The following ZBTB12 variants were observed in gnomAD, a reference collection of about 807,000 sequenced individuals.
ZBTB12 encodes zinc finger and BTB domain-containing protein 12.
A neutral mutation model predicts 6.4 loss-of-function variants in ZBTB12; 1 was observed. That is an observed-to-expected ratio of 0.16 (90% CI 0.06 to 0.74). ZBTB12 has a LOEUF of 0.74. Among genes scored for constraint, ZBTB12 ranks in the 30% least tolerant of loss-of-function variants. The pLI is 0.78. For synonymous variants in ZBTB12, 273 were observed against 262.5 expected (o/e 1.04, Z -0.39); for missense variants, 344 against 613.9 (o/e 0.56, Z 4.65).
Position 31,899,794 on chromosome 6 carries a change from G to A in ZBTB12, c.*132C>T, listed in dbSNP as rs191133333. 5 of 883,646 alleles carry A rather than the reference G, an allele frequency of 5.7e-6. No individual in the cohort carries two copies. Among genetic ancestry groups the A allele is most frequent in the Admixed American group, 2.6e-5 (1 of 37,748 alleles). The allele number at this position is 883,646 out of a possible 1,614,324, so 54.7% of individuals were successfully genotyped here. A position where few individuals can be genotyped will look rare whatever the true frequency, so the allele number is the denominator to read the frequency against. ...GGAATCATCTTCCCTCTCTCAGGAT[G>A]TGTGCATCTGCTCAGCCTCCCACTC... On this transcript the variant is annotated 3_prime_UTR_variant, in exon 2 of 2. Transcript: ENST00000375527.
At position 31,900,523 on chromosome 6, in the gene ZBTB12, A is replaced by C; in HGVS notation, c.783T>G (p.Gly261=). The C allele has an allele frequency of 6.2e-7, 1 of 1,611,444 alleles. No individual in the cohort carries two copies. Reference sequence around the variant, plus strand: ...ACAGGCTATAGCAGGCCTTCACCACACCCTGCGGTGGGGCTACAGTGCTGG... The same window carrying C: ...ACAGGCTATAGCAGGCCTTCACCACCCCCTGCGGTGGGGCTACAGTGCTGG... The part of the protein sequence containing the change: ...VPPSTVAPPQ[G]VVKACYSLSE... The change falls in exon 2 of 2, where the codon GGT becomes GGG. Residue 261 remains glycine (G), a synonymous_variant. Coordinates refer to ENST00000375527, the MANE Select transcript of ZBTB12 (RefSeq NM_181842.3). The surrounding 1 kb of genome is among the most constrained non-coding windows in gnomAD (Gnocchi z 9.7).
In ZBTB12 at chr6:31,900,787, GGGTAGAGGA is replaced by G. The variant is rs1188120398; in HGVS notation, c.510_518del (p.Leu172_Pro174del). On this transcript the variant is annotated inframe_deletion, in exon 2 of 2. Transcript: ENST00000375527. The surrounding 1 kb of genome is among the most constrained non-coding windows in gnomAD (Gnocchi z 9.7). ...GCTTCACTGGCCGCAGGAGTGGAGG[GGGTAGAGGA>G]GGTGGGGGTGGGGGCTTCGGGGCTG... 6.3e-7 allele frequency: 1 copy of G among 1,596,808 alleles called. No homozygotes were observed.
At position 31,901,255 on chromosome 6, in the gene ZBTB12, G is replaced by A. The variant is rs749284263; in HGVS notation, c.51C>T (p.Ala17=). ...GCTGGTTCATGTTCCGTAGCGTTGC[G>A]GCCTCGTGGCCGGGCAGCTGGAAGC... ...VLRFQLPGHE[A]ATLRNMNQLR... is the part of the protein sequence containing the mutation. Residue 17 remains alanine (A), a synonymous_variant, in exon 2 of 2, where the codon GCC becomes GCT. Coordinates refer to ENST00000375527, the MANE Select transcript of ZBTB12 (RefSeq NM_181842.3). 4 of 1,612,746 alleles carry A rather than the reference G, an allele frequency of 2.5e-6. No individual in the cohort carries two copies. The East Asian group carries it at 8.9e-5, about 36-fold the overall frequency.
rs1767240286 is a variant in ZBTB12 at position 31,901,312 on chromosome 6, G to A, written c.-7C>T. 1.2e-6 allele frequency: 2 copies of A among 1,602,280 alleles called. No individual in the cohort carries two copies. Among genetic ancestry groups the A allele is most frequent in the Non-Finnish European group, 1.7e-6 (2 of 1,172,558 alleles). On this transcript the variant is annotated 5_prime_UTR_variant, in exon 2 of 2. Transcript: ENST00000375527. ...CTTCCACCCCAGAGGCCATTGTGGC[G>A]GGGGTGGGCAACCCTGGTTGGGAAG...
intron 1 of ZBTB12, 84 bp from the exon 2 acceptor site, chr6:31,901,409 C>A: frequency 7.8e-7 from 1 of 1,282,424 alleles, no homozygotes; most frequent in Non-Finnish European, 1.0e-6. Context: ...CCATTCTTGC[C>A]CAGCCCCCCG....
In ZBTB12 at chr6:31,901,855, CTGTT is replaced by C. The variant is rs1332419664; in HGVS notation, c.-43_-40del. The C allele has an allele frequency of 1.3e-5, 2 of 150,042 alleles. No individual in the cohort carries two copies. The highest frequency in any genetic ancestry group is 3.0e-5 in the Non-Finnish European group (2 of 67,360). 9.3% of individuals were successfully genotyped at this position (150,042 alleles called of 1,614,324 possible). ...CTCTCACCTGGCCCGGTTCCGCGCGCTGTTTTTTTAATCCCTTATTTTCCCCACC... is the reference window on the plus strand; with the variant it reads ...CTCTCACCTGGCCCGGTTCCGCGCGCTTTTTAATCCCTTATTTTCCCCACC... On this transcript the variant is annotated 5_prime_UTR_variant, in exon 1 of 2. Transcript: ENST00000375527.
rs1767182009 is a variant in ZBTB12, at chr6:31,900,826, T to A, written c.480A>T (p.Pro160=). 6.2e-7 allele frequency: 1 copy of A among 1,608,256 alleles called. No individual in the cohort carries two copies. The highest frequency in any genetic ancestry group is 8.5e-7 in the Non-Finnish European group (1 of 1,176,504). ...GGGGTGGGGGCTTCGGGGCTGGCTT[T>A]GGGGTCCTGGCTGGAGGGAGGAGGG... ...TKSLLPPART[P]KPAPKPPPPP... The change falls in exon 2 of 2, where the codon CCA becomes CCT. Residue 160 remains proline, a synonymous_variant. Coordinates refer to ENST00000375527, the MANE Select transcript of ZBTB12 (RefSeq NM_181842.3). This position sits in a 1 kb window ranked among gnomAD's most constrained non-coding sequence, Gnocchi z 9.7.
rs775717094 is a variant in ZBTB12, at chr6:31,900,753, G to C, written c.553C>G (p.Pro185Ala). Residue 185 changes from proline (P) to alanine (A), a missense_variant, in exon 2 of 2, where the codon CCA becomes GCA. Physicochemically the swap from Pro to Ala is conservative, Grantham distance 27. This residue lies in a region of ZBTB12 where 241 missense variants were observed against 315.4 expected (regional missense o/e 0.76). Transcript: ENST00000375527. The surrounding 1 kb of genome is among the most constrained non-coding windows in gnomAD (Gnocchi z 9.7). ...PLLRPVKLEF[P>A]LDEDLELKAE... ...TTCAGCTCCAAGTCTTCATCCAGTG[G>C]GAACTCCAGCTTCACTGGCCGCAGG... 3.8e-6 allele frequency: 6 copies of C among 1,592,184 alleles called. No individual in the cohort carries two copies. In the Admixed American group the frequency reaches 8.5e-5, roughly 22 times the overall value.
In ZBTB12 at chr6:31,901,161, C is replaced by T. The variant is rs9394078; in HGVS notation, c.145G>A (p.Val49Ile). Residue 49 changes from valine to isoleucine, a missense_variant, in exon 2 of 2, where the codon GTC becomes ATC. Physicochemically the swap from Val to Ile is conservative, Grantham distance 29. Transcript: ENST00000375527. ...AAGGGTGAGCAGGCGGCCAAGATGACCTTGTGGCCTCGAAACTTGAGGCTG... is the reference window on the plus strand; with the variant it reads ...AAGGGTGAGCAGGCGGCCAAGATGATCTTGTGGCCTCGAAACTTGAGGCTG... ...ADSLKFRGHK[V>I]ILAACSPFLR... is the part of the protein sequence containing the mutation. The T allele has an allele frequency of 0.034, 55,578 of 1,613,684 alleles. 1,570 individuals are homozygous for T. Among genetic ancestry groups the T allele is most frequent in the East Asian group, 0.13 (5,759 of 44,872 alleles).
In ZBTB12 at chr6:31,900,928, G is replaced by A; in HGVS notation, c.378C>T (p.Phe126=). The part of the protein sequence containing the change: ...VEKCRNALSQ[F]IEPKIGLKED... ...CTTTGAGGCCTATTTTGGGCTCAAT[G>A]AACTGGCTGAGGGCATTCCGGCATT... Residue 126 remains phenylalanine (F), a synonymous_variant, in exon 2 of 2, where the codon TTC becomes TTT. Coordinates refer to ENST00000375527, the MANE Select transcript of ZBTB12 (RefSeq NM_181842.3). This position sits in a 1 kb window ranked among gnomAD's most constrained non-coding sequence, Gnocchi z 9.7. The A allele has an allele frequency of 6.2e-7, 1 of 1,614,202 alleles. No homozygotes were observed. Among genetic ancestry groups the A allele is most frequent in the Non-Finnish European group, 8.5e-7 (1 of 1,180,042 alleles).
intron 1 of ZBTB12, 138 bp from the exon 2 acceptor site, chr6:31,901,463 A>C: frequency 2.3e-6 from 2 of 860,762 alleles, no homozygotes; most frequent in Non-Finnish European, 3.5e-6. Flanking sequence ...CAGTTTCCCC[A>C]ACCCTGGGGA....
intron 1 of ZBTB12, 93 bp from the exon 2 acceptor site, chr6:31,901,418 C>G: frequency 1.7e-6 from 2 of 1,184,694 alleles, no homozygotes; most frequent in South Asian, 1.6e-5. Context: ...CCCAGCCCCC[C>G]GGCATCCGAT....
Position 31,901,002 on chromosome 6 carries a change from T to C in ZBTB12, c.304A>G (p.Asn102Asp). ...ALEFAVRDIVNYLTAASYLQM... is the reference protein window; with the variant it reads ...ALEFAVRDIVDYLTAASYLQM... ...AGGTAGGAGGCGGCTGTAAGGTAGT[T>C]GACGATGTCCCTAACAGCGAATTCC... Residue 102 changes from asparagine to aspartate, a missense_variant, in exon 2 of 2, where the codon AAC becomes GAC. Transcript: ENST00000375527. The C allele has an allele frequency of 6.2e-7, 1 of 1,614,212 alleles. No homozygotes were observed. Among genetic ancestry groups the C allele is most frequent in the Non-Finnish European group, 8.5e-7 (1 of 1,180,030 alleles).
chr6:31,901,523 G>A (rs1767267787), intron 1 of ZBTB12, among the ~76,000 whole-genome samples, 198 bp from the exon 2 acceptor site: 1 of 151,970 alleles, frequency 6.6e-6, no homozygotes, highest in South Asian at 2.1e-4. Flanking sequence ...GGGCGGGGCA[G>A]CGGCGTCCAC....
At position 31,900,564 on chromosome 6, in the gene ZBTB12, G is replaced by A; in HGVS notation, c.742C>T (p.Gln248Ter). The A allele has an allele frequency of 6.2e-7, 1 of 1,612,086 alleles. No individual in the cohort carries two copies. Among genetic ancestry groups the A allele is most frequent in the Non-Finnish European group, 8.5e-7 (1 of 1,179,706 alleles). Residue 248 changes from glutamine to a stop codon, truncating the protein, a stop_gained, in exon 2 of 2, where the codon CAG becomes TAG. Transcript: ENST00000375527. LOFTEE classifies it low-confidence loss of function (END_TRUNC). This position sits in a 1 kb window ranked among gnomAD's most constrained non-coding sequence, Gnocchi z 9.7. ...ACAGTGCTGGGGGGAACGCTGCTCT[G>A]GGCCAGCTCCCCAAGGTGGCCACCC... ...SVGGHLGELAQSSVPPSTVAP... is the reference protein window; with the variant it reads ...SVGGHLGELA
At position 31,899,801 on chromosome 6, in the gene ZBTB12, T is replaced by A; in HGVS notation, c.*125A>T. The A allele has an allele frequency of 1.0e-6, 1 of 989,572 alleles. No homozygotes were observed. Among genetic ancestry groups the A allele is most frequent in the South Asian group, 1.6e-5 (1 of 61,638 alleles). The allele number at this position is 989,572 out of a possible 1,614,324, so 61.3% of individuals were successfully genotyped here. A position where few individuals can be genotyped will look rare whatever the true frequency, so the allele number is the denominator to read the frequency against. On this transcript the variant is annotated 3_prime_UTR_variant, in exon 2 of 2. Transcript: ENST00000375527. ...TCTTCCCTCTCTCAGGATGTGTGCATCTGCTCAGCCTCCCACTCTTACCTT... is the reference window on the plus strand; with the variant it reads ...TCTTCCCTCTCTCAGGATGTGTGCAACTGCTCAGCCTCCCACTCTTACCTT...
Position 31,900,524 on chromosome 6 carries a change from C to T in ZBTB12, c.782G>A (p.Gly261Asp), listed in dbSNP as rs767451726. Residue 261 changes from glycine to aspartate, a missense_variant, in exon 2 of 2, where the codon GGT (glycine) becomes GAT (aspartate). Physicochemically the swap from Gly to Asp is moderately conservative, Grantham distance 94. Transcript: ENST00000375527. The surrounding 1 kb of genome is among the most constrained non-coding windows in gnomAD (Gnocchi z 9.7). ...CAGGCTATAGCAGGCCTTCACCACACCCTGCGGTGGGGCTACAGTGCTGGG... is the reference window on the plus strand; with the variant it reads ...CAGGCTATAGCAGGCCTTCACCACATCCTGCGGTGGGGCTACAGTGCTGGG... ...VPPSTVAPPQ[G>D]VVKACYSLSE... is the part of the protein sequence containing the mutation. 3 of 1,611,718 alleles carry T rather than the reference C, an allele frequency of 1.9e-6. No homozygotes were observed. Among genetic ancestry groups the T allele is most frequent in the Non-Finnish European group, 2.5e-6 (3 of 1,179,982 alleles).
Position 31,900,786 on chromosome 6 carries a change from G to C in ZBTB12, c.520C>G (p.Pro174Ala), listed in dbSNP as rs765085960. The C allele has an allele frequency of 1.3e-6, 2 of 1,592,950 alleles. No homozygotes were observed. The highest frequency in any genetic ancestry group is 3.4e-5 in the Admixed American group (2 of 58,972). Residue 174 changes from proline to alanine, a missense_variant, in exon 2 of 2, where the codon CCT becomes GCT. Pro to Ala is a conservative substitution (Grantham distance 27, BLOSUM62 -1). Transcript: ENST00000375527. This position sits in a 1 kb window ranked among gnomAD's most constrained non-coding sequence, Gnocchi z 9.7. ...PKPPPPPPLP[P>A]PLLRPVKLEF... ...AGCTTCACTGGCCGCAGGAGTGGAGGGGGTAGAGGAGGTGGGGGTGGGGGC... is the reference window on the plus strand; with the variant it reads ...AGCTTCACTGGCCGCAGGAGTGGAGCGGGTAGAGGAGGTGGGGGTGGGGGC...
chr6:31,900,330 C>T lies in ZBTB12; in HGVS notation c.976G>A (p.Gly326Ser). The T allele has an allele frequency of 6.2e-7, 1 of 1,610,746 alleles. No individual in the cohort carries two copies. The highest frequency in any genetic ancestry group is 1.3e-5 in the African/African-American group (1 of 74,970). The change falls in exon 2 of 2, where the codon GGT becomes AGT. Residue 326 changes from glycine (G) to serine (S), a missense_variant. Coordinates refer to ENST00000375527, the MANE Select transcript of ZBTB12 (RefSeq NM_181842.3). This position sits in a 1 kb window ranked among gnomAD's most constrained non-coding sequence, Gnocchi z 9.7. ...TTGATGTTCTTTAAGGGGTTTCCACCTGAGAAGCCCCCAGGCAGGGGTCCC... is the reference window on the plus strand; with the variant it reads ...TTGATGTTCTTTAAGGGGTTTCCACTTGAGAAGCCCCCAGGCAGGGGTCCC... ...SRGPLPGGFSGGNPLKNIKCT... is the reference protein window; with the variant it reads ...SRGPLPGGFSSGNPLKNIKCT...
Sources: allele counts gnomAD v4.1 joint callset (sites outside exome capture counted in the v4.1 genomes callset), GRCh38; gene constraint gnomAD v4.1.1; regional missense constraint gnomAD v4.1.1; non-coding constraint Gnocchi (gnomAD v3.1); transcripts MANE v1.5; gene names NCBI Gene and HGNC (gene_info 2026-07-23, HGNC 2026-07-21).